The following MAP2K7 variants were observed in gnomAD, a reference collection of about 807,000 sequenced individuals.
MAP2K7 encodes the protein dual specificity mitogen-activated protein kinase kinase 7.
MAP2K7 carries 12 observed loss-of-function variants against 47.7 expected under a neutral mutation model. That is an observed-to-expected ratio of 0.25 (90% confidence interval 0.16 to 0.41). The LOEUF (loss-of-function observed/expected upper bound fraction) is 0.41. Among genes scored for constraint, MAP2K7 ranks in the 10% least tolerant of loss-of-function variants. The probability of loss-of-function intolerance (pLI) is 1.00; values close to 1 mark genes in which losing one functional copy is unlikely to be tolerated. For synonymous variants in MAP2K7, 299 were observed against 243.0 expected, an observed-to-expected ratio of 1.23 and a Z score of -2.14; for missense variants, 415 against 600.3, an observed-to-expected ratio of 0.69 and a Z score of 3.23.
chr19:7,903,930 G>T lies in MAP2K7; in HGVS notation c.-15G>T. 1 of 1,512,410 alleles carries T rather than the reference G, an allele frequency of 6.6e-7. No homozygotes were observed. 93.7% of individuals were successfully genotyped at this position (1,512,410 alleles called of 1,614,324 possible). ...GGCGGCCGGGCGGTGCGCGGCGGCGGTGGCGGCGGGGAAGATGGCGGCGTC... is the reference window on the plus strand; with the variant it reads ...GGCGGCCGGGCGGTGCGCGGCGGCGTTGGCGGCGGGGAAGATGGCGGCGTC... On this transcript the variant is annotated 5_prime_UTR_variant, in exon 1 of 11. Coordinates refer to ENST00000397979, the MANE Select transcript of MAP2K7 (RefSeq NM_145185.4).
In MAP2K7 at chr19:7,909,800, C is replaced by T. The variant is rs976387571; in HGVS notation, c.170C>T (p.Ser57Phe). ...LANDGGSRSPSSESSPQHPTP... is the reference protein window; with the variant it reads ...LANDGGSRSPFSESSPQHPTP... ...AACGATGGGGGCAGCCGCTCGCCAT[C>T]CTCAGAGAGCTCCCCGCAGCACCCC... is the stretch of plus-strand genomic sequence containing the variant. The change falls in exon 2 of 11, where the codon TCC (serine) becomes TTC (phenylalanine). Residue 57 changes from serine (S) to phenylalanine (F), a missense_variant. Physicochemically the swap from Ser to Phe is radical, Grantham distance 155 (BLOSUM62 -2). Around this residue, in one of 3 missense-constraint regions of MAP2K7, gnomAD observed 115 missense variants for 126.2 expected, o/e 0.91. Transcript: ENST00000397979. 6.5e-6 allele frequency: 10 copies of T among 1,543,454 alleles called. No homozygotes were observed. The highest frequency in any genetic ancestry group is 8.7e-6 in the Non-Finnish European group (10 of 1,146,242).
rs929694591 is a variant in MAP2K7, at chr19:7,909,828, G to A, written c.198G>A (p.Thr66=). ...PSSESSPQHP[T]PPARPRHMLG... ...CAGAGAGCTCCCCGCAGCACCCCACGCCCCCCGCCCGGCCCCGCCACATGC... is the reference window on the plus strand; with the variant it reads ...CAGAGAGCTCCCCGCAGCACCCCACACCCCCCGCCCGGCCCCGCCACATGC... The change falls in exon 2 of 11, where the codon ACG becomes ACA. Residue 66 remains threonine, a synonymous_variant. Transcript: ENST00000397979. 2.4e-5 allele frequency: 37 copies of A among 1,538,590 alleles called. No individual in the cohort carries two copies. Among genetic ancestry groups the A allele is most frequent in the Middle Eastern group, 2.2e-4 (1 of 4,484 alleles).
chr19:7,911,236 T>TCCTC lies in MAP2K7; in HGVS notation c.856-12_856-11insTCCC. ...CCAGCCTTGGAGATACGTCTTCTCC[T>TCCTC]CCCCCCCCTGCAGCCCGAGCGCATT... On this transcript the variant is annotated splice_polypyrimidine_tract_variant and intron_variant, in intron 7 of 10. Transcript: ENST00000397979. 1.3e-6 allele frequency: 2 copies of TCCTC among 1,577,400 alleles called. No individual in the cohort carries two copies. Among genetic ancestry groups the TCCTC allele is most frequent in the East Asian group, 2.2e-5 (1 of 44,616 alleles).
rs1443440676 is a variant in MAP2K7, at chr19:7,903,960, C to G, written c.16C>G (p.Leu6Val). 1 of 1,549,310 alleles carries G rather than the reference C, an allele frequency of 6.5e-7. No homozygotes were observed. The highest frequency in any genetic ancestry group is 8.7e-7 in the Non-Finnish European group (1 of 1,149,862). Residue 6 changes from leucine (L) to valine (V), a missense_variant, in exon 1 of 11, where the codon CTG becomes GTG. By Grantham distance (32) the Leu-to-Val change is conservative. Coordinates refer to ENST00000397979, the MANE Select transcript of MAP2K7 (RefSeq NM_145185.4). MAASS[L>V]EQKLSRLEAK... Reference sequence around the variant, plus strand: ...GGCGGGGAAGATGGCGGCGTCCTCCCTGGAACAGAAGCTGTCCCGCCTGGA... The same window carrying G: ...GGCGGGGAAGATGGCGGCGTCCTCCGTGGAACAGAAGCTGTCCCGCCTGGA...
Position 7,910,630 on chromosome 19 carries a change from A to G in MAP2K7, c.567+58A>G, listed in dbSNP as rs536370720. 157 of 1,610,718 alleles carry G rather than the reference A, an allele frequency of 9.7e-5. 1 individual carries two copies. In the South Asian group the frequency reaches 1.6e-3, roughly 17 times the overall value. On this transcript the variant is annotated intron_variant, in intron 5 of 10. Transcript: ENST00000397979. ...TCCTCCCTCACCCCTGCCCCTTCCT[A>G]GGGAGCAGAGCCTCTGGGGGGTGGG...
At chr19:7,904,923 G>A (rs943277299) in intron 1 of MAP2K7, among the ~76,000 whole-genome samples, 3 of 151,682 alleles carry the variant, frequency 2.0e-5, no homozygotes, top group Non-Finnish European at 4.4e-5. Context: ...TGCTCCCGCC[G>A]CGCCCCAGCA....
At chr19:7,911,771 C>A (rs1443701324) in intron 9 of MAP2K7, among the ~76,000 whole-genome samples, 193 bp downstream of exon 9, 1 of 152,180 alleles carries the variant, frequency 6.6e-6, no homozygotes, top group Non-Finnish European at 1.5e-5. Context: ...TTGGACCTAG[C>A]CTGAGGGGAC....
rs757811280 is a variant in MAP2K7 at position 7,911,238 on chromosome 19, C to T, written c.856-12C>T. 48 of 1,604,488 alleles carry T rather than the reference C, an allele frequency of 3.0e-5. No individual in the cohort carries two copies. The highest frequency in any genetic ancestry group is 1.7e-4 in the Middle Eastern group (1 of 5,934). ...AGCCTTGGAGATACGTCTTCTCCTC[C>T]CCCCCCTGCAGCCCGAGCGCATTGA... is the stretch of plus-strand genomic sequence containing the variant. On this transcript the variant is annotated splice_polypyrimidine_tract_variant and intron_variant, in intron 7 of 10. Transcript: ENST00000397979.
At position 7,911,018 on chromosome 19, in the gene MAP2K7, T is replaced by C. The variant is rs779005222; in HGVS notation, c.714T>C (p.Gly238=). The change falls in exon 7 of 11, where the codon GGT becomes GGC. Residue 238 remains glycine (G), a synonymous_variant. Transcript: ENST00000397979. ...TGTACTACCTGAAGGAGAAGCACGG[T>C]GTCATCCACCGCGACGTCAAGCCCT... ...KALYYLKEKH[G]VIHRDVKPSN... 2.5e-5 allele frequency: 40 copies of C among 1,612,424 alleles called. No homozygotes were observed. In the Admixed American group the frequency reaches 6.3e-4, roughly 26 times the overall value.
rs1349745152 is a variant in MAP2K7 at position 7,913,857 on chromosome 19, T to C, written c.*1426T>C. ...CCGGCTGGCCGTGGTGGGGGCAGCG[T>C]AGGCGTAGCATCCCTCTCCTCTCAC... On this transcript the variant is annotated 3_prime_UTR_variant, in exon 11 of 11. Transcript: ENST00000397979. 2.6e-5 allele frequency: 4 copies of C among 152,504 alleles called. No individual in the cohort carries two copies. Among genetic ancestry groups the C allele is most frequent in the Non-Finnish European group, 5.9e-5 (4 of 68,032 alleles). 9.4% of individuals were successfully genotyped at this position (152,504 alleles called of 1,614,324 possible). A position where few individuals can be genotyped will look rare whatever the true frequency, so the allele number is the denominator to read the frequency against.
chr19:7,907,354 A>C (rs1366188888), intron 1 of MAP2K7, among the ~76,000 whole-genome samples: 1 of 152,168 alleles, frequency 6.6e-6, no homozygotes, highest in East Asian at 1.9e-4. Flanking sequence ...TCCCGGCTGC[A>C]TGGGTGTTAG....
chr19:7,908,196 G>A (rs1982586623), intron 1 of MAP2K7, among the ~76,000 whole-genome samples: 1 of 152,022 alleles, frequency 6.6e-6, no homozygotes, highest in Non-Finnish European at 1.5e-5. Flanking sequence ...GAGGTGACGT[G>A]GTGCTGCAGA....
rs535957384 is a variant in MAP2K7 at position 7,912,937 on chromosome 19, C to T, written c.*506C>T. 58 of 166,016 alleles carry T rather than the reference C, an allele frequency of 3.5e-4. No homozygotes were observed. The highest frequency in any genetic ancestry group is 7.0e-4 in the Non-Finnish European group (53 of 75,640). The allele number at this position is 166,016 out of a possible 1,614,324, so 10.3% of individuals were successfully genotyped here. A position where few individuals can be genotyped will look rare whatever the true frequency, so the allele number is the denominator to read the frequency against. The stretch of plus-strand genomic sequence containing the variant: ...GAGCCTGGGCCCAGCCACCTCCTGA[C>T]GGGTCCCCTGGGTCTGCATAGGTCT... On this transcript the variant is annotated 3_prime_UTR_variant, in exon 11 of 11. Transcript: ENST00000397979.
chr19:7,910,944 C>T (rs750154671), intron 6 of MAP2K7, 36 bp from the exon 7 acceptor site: 3 of 1,597,970 alleles, frequency 1.9e-6, no homozygotes, highest in Non-Finnish European at 2.6e-6. Context: ...GGGTCTGTGC[C>T]CCCTGCCACA....
In MAP2K7 at chr19:7,905,995, C is replaced by T. The variant is rs553181854; in HGVS notation, c.124+1927C>T. ...TTCCCCTCACTCTCACTTTCTCTCT[C>T]ACTCCACTCAAGCAGCGGTCAGCCC... On this transcript the variant is annotated intron_variant, in intron 1 of 10. Coordinates refer to ENST00000397979, the MANE Select transcript of MAP2K7 (RefSeq NM_145185.4). 1.6e-4 allele frequency: 129 copies of T among 783,426 alleles called. 1 individual carries two copies. The South Asian group carries it at 1.7e-3, about 11-fold the overall frequency. The allele number at this position is 783,426 out of a possible 1,614,324, so 48.5% of individuals were successfully genotyped here. A position where few individuals can be genotyped will look rare whatever the true frequency, so the allele number is the denominator to read the frequency against.
intron 1 of MAP2K7, among the ~76,000 whole-genome samples, chr19:7,908,040 C>G (rs967943766): frequency 6.6e-6 from 1 of 152,028 alleles, no homozygotes; most frequent in Admixed American, 6.5e-5. Flanking sequence ...TGGCGTGTAC[C>G]TATAATCCCA....
intron 1 of MAP2K7, chr19:7,907,205 C>T (rs1214738748): frequency 2.6e-5 from 4 of 151,844 alleles, no homozygotes; most frequent in African/African-American, 9.7e-5. Flanking sequence ...GACAGGGCCG[C>T]CAGGGCTCTG....
chr19:7,911,355 T>TC, intron 8 of MAP2K7, 25 bp downstream of exon 8: 1 of 1,613,302 alleles, frequency 6.2e-7, no homozygotes, highest in South Asian at 1.1e-5. Context: ...TCCCCTGTTC[T>TC]CCAGCCAGGA....
rs1007904830 is a variant in MAP2K7, at chr19:7,912,682, G to A, written c.*251G>A. 13 of 558,816 alleles carry A rather than the reference G, an allele frequency of 2.3e-5. No homozygotes were observed. Among genetic ancestry groups the A allele is most frequent in the African/African-American group, 1.5e-4 (8 of 52,814 alleles). The allele number at this position is 558,816 out of a possible 1,614,324, so 34.6% of individuals were successfully genotyped here. On this transcript the variant is annotated 3_prime_UTR_variant, in exon 11 of 11. Transcript: ENST00000397979. ...CACTGTGAACGGAAGACAGCAGGCCGCGATCAGAGTCGCTGTTCATTCAGC... is the reference window on the plus strand; with the variant it reads ...CACTGTGAACGGAAGACAGCAGGCCACGATCAGAGTCGCTGTTCATTCAGC...
Sources: allele counts gnomAD v4.1 joint callset (sites outside exome capture counted in the v4.1 genomes callset), GRCh38; gene constraint gnomAD v4.1.1; regional missense constraint gnomAD v4.1.1; transcripts MANE v1.5; gene names NCBI Gene and HGNC (gene_info 2026-07-23, HGNC 2026-07-21).